The following TRIM27 variants were observed in gnomAD, a reference collection of about 807,000 sequenced individuals.
TRIM27 encodes the protein zinc finger protein RFP.
In TRIM27, 12 loss-of-function variants were observed where a neutral mutation model predicts 57.6. The observed-to-expected ratio is 0.21, with a 90% CI of 0.13 to 0.34. TRIM27 has a LOEUF of 0.34. Ranked by LOEUF, TRIM27 falls within the 10% of genes least tolerant of loss-of-function variation. The pLI, the probability that TRIM27 is intolerant of heterozygous loss-of-function variation, is 1.00. For missense variants in TRIM27, 403 were observed against 656.8 expected (o/e 0.61, Z 4.22); for synonymous variants, 266 against 259.0 (o/e 1.03, Z -0.26).
intron 6 of TRIM27, chr6:28,907,558 C>T: frequency 1.5e-6 from 1 of 645,932 alleles, no homozygotes; most frequent in South Asian, 1.5e-5. Context: ...AGTGAGTCAG[C>T]TGATTCTGCA....
chr6:28,921,150 G>A (rs750294304), intron 2 of TRIM27, among the ~76,000 whole-genome samples: 13 of 152,202 alleles, frequency 8.5e-5, no homozygotes, highest in Admixed American at 2.0e-4. Flanking sequence ...GGAGGCTGAG[G>A]TGGGCGGATC....
intron 6 of TRIM27, chr6:28,907,882 C>T (rs1008398191): frequency 3.7e-6 from 1 of 270,396 alleles, no homozygotes; most frequent in African/African-American, 2.2e-5. Flanking sequence ...TCTGCTAGCT[C>T]TATGTTGCTA....
intron 3 of TRIM27, among the ~76,000 whole-genome samples, chr6:28,914,060 T>C (rs1412768258): frequency 6.7e-6 from 1 of 149,662 alleles, no homozygotes; most frequent in Non-Finnish European, 1.5e-5. Context: ...CTTGCTCTGT[T>C]ACCCAGGCTG....
Position 28,923,710 on chromosome 6 carries a change from T to C in TRIM27, c.-78A>G, listed in dbSNP as rs1446703310. The stretch of plus-strand genomic sequence containing the variant: ...CTGAGCCCAACTCTCCGGCGCTCTC[T>C]CCGGTTCGCTGTTCCTGAGAGGCAC... On this transcript the variant is annotated 5_prime_UTR_variant, in exon 1 of 8. Coordinates refer to ENST00000377199, the MANE Select transcript of TRIM27 (RefSeq NM_006510.5). 1 of 1,407,480 alleles carries C rather than the reference T, an allele frequency of 7.1e-7. No individual in the cohort carries two copies. The highest frequency in any genetic ancestry group is 9.4e-7 in the Non-Finnish European group (1 of 1,065,190). The allele number at this position is 1,407,480 out of a possible 1,614,324, so 87.2% of individuals were successfully genotyped here.
intron 4 of TRIM27, among the ~76,000 whole-genome samples, chr6:28,910,123 G>GAAAAAAAAAAAAAAAAAAAAAAAGAA (rs9278120): frequency 2.2e-4 from 21 of 97,598 alleles, no homozygotes; most frequent in Non-Finnish European, 3.5e-4. Flanking sequence ...AAAGAAAAAT[G>GAAAAAAAAAAAAAAAAAAAAAAAGAA]AAAAAAAAAA....
chr6:28,914,534 A>G (rs890663216), intron 3 of TRIM27, among the ~76,000 whole-genome samples: 1 of 131,086 alleles, frequency 7.6e-6, no homozygotes, highest in Admixed American at 9.6e-5. Context: ...CAATTTGTCT[A>G]GATCCAGAAA....
In TRIM27 at chr6:28,903,951, G is replaced by T; in HGVS notation, c.*119C>A. On this transcript the variant is annotated 3_prime_UTR_variant, in exon 8 of 8. Coordinates refer to ENST00000377199, the MANE Select transcript of TRIM27 (RefSeq NM_006510.5). Reference sequence around the variant, plus strand: ...GAACATGGACATCCTGTCTCCCACTGCAAGGGCGTGGAACATGGTAAGGAT... The same window carrying T: ...GAACATGGACATCCTGTCTCCCACTTCAAGGGCGTGGAACATGGTAAGGAT... 1 of 765,934 alleles carries T rather than the reference G, an allele frequency of 1.3e-6. No individual in the cohort carries two copies. Among genetic ancestry groups the T allele is most frequent in the South Asian group, 1.7e-5 (1 of 59,054 alleles). 47.4% of individuals were successfully genotyped at this position (765,934 alleles called of 1,614,324 possible).
chr6:28,914,137 CTTT>C (rs775171584), intron 3 of TRIM27, among the ~76,000 whole-genome samples: 4 of 125,188 alleles, frequency 3.2e-5, no homozygotes, highest in Non-Finnish European at 1.7e-5. Context: ...TCTATCCCAG[CTTT>C]TTTTTTTTTT....
chr6:28,910,233 C>T (rs1342769152), intron 4 of TRIM27, among the ~76,000 whole-genome samples: 1 of 151,646 alleles, frequency 6.6e-6, no homozygotes, highest in Non-Finnish European at 1.5e-5. Context: ...AGGACCATAC[C>T]TTAGGGATGG....
Position 28,923,722 on chromosome 6 carries a change from T to G in TRIM27, c.-90A>C. On this transcript the variant is annotated 5_prime_UTR_variant, in exon 1 of 8. Transcript: ENST00000377199. ...CTCCGGCGCTCTCTCCGGTTCGCTG[T>G]TCCTGAGAGGCACCGGGCGGACGGA... 4.4e-6 allele frequency: 6 copies of G among 1,362,468 alleles called. No homozygotes were observed. Among genetic ancestry groups the G allele is most frequent in the Non-Finnish European group, 5.8e-6 (6 of 1,028,818 alleles). The allele number at this position is 1,362,468 out of a possible 1,614,324, so 84.4% of individuals were successfully genotyped here.
chr6:28,915,468 G>A (rs1011511970), intron 3 of TRIM27, among the ~76,000 whole-genome samples: 1 of 152,076 alleles, frequency 6.6e-6, no homozygotes, highest in African/African-American at 2.4e-5. Flanking sequence ...AATTAGCTAG[G>A]TGTGGTGGTG....
intron 3 of TRIM27, among the ~76,000 whole-genome samples, chr6:28,918,897 A>G (rs1773816927): frequency 1.3e-5 from 2 of 152,144 alleles, no homozygotes; most frequent in African/African-American, 4.8e-5. Flanking sequence ...ATAATATTAA[A>G]TTAAAATTAA....
intron 3 of TRIM27, among the ~76,000 whole-genome samples, chr6:28,918,828 A>G (rs900229484): frequency 6.6e-6 from 1 of 151,734 alleles, no homozygotes; most frequent in African/African-American, 2.4e-5. Flanking sequence ...GTGAGCCAAG[A>G]TCGCACCACT....
chr6:28,916,357 A>G (rs544659954), intron 3 of TRIM27, among the ~76,000 whole-genome samples: 17 of 151,470 alleles, frequency 1.1e-4, no homozygotes, highest in Middle Eastern at 3.5e-3. Context: ...GTTTGAGACT[A>G]GCCTGACCAA....
At chr6:28,910,123 G>GAAAAAAAAAAAAAAAAAAAAAAAAGAA (rs9278120) in intron 4 of TRIM27, among the ~76,000 whole-genome samples, 12 of 97,606 alleles carry the variant, frequency 1.2e-4, no homozygotes, top group East Asian at 2.8e-4. Flanking sequence ...AAAGAAAAAT[G>GAAAAAAAAAAAAAAAAAAAAAAAAGAA]AAAAAAAAAA....
At chr6:28,912,106 CTTT>C (rs9280507) in intron 3 of TRIM27, among the ~76,000 whole-genome samples, 18 of 136,332 alleles carry the variant, frequency 1.3e-4, no homozygotes, top group Non-Finnish European at 1.6e-4. Context: ...CTCCAGTATA[CTTT>C]TTTTTTTTTT....
intron 4 of TRIM27, among the ~76,000 whole-genome samples, chr6:28,910,020 C>A (rs138945830): frequency 2.7e-4 from 41 of 150,518 alleles, no homozygotes; most frequent in African/African-American, 9.8e-4. Flanking sequence ...GCCTGCAATC[C>A]CAACACTTTT....
At chr6:28,921,799 G>C in intron 2 of TRIM27, 93 bp downstream of exon 2, 1 of 1,018,380 alleles carries the variant, frequency 9.8e-7, no homozygotes, top group Non-Finnish European at 1.5e-6. Context: ...CAAGTTCTGG[G>C]TGACATGCTG....
Position 28,923,406 on chromosome 6 carries a change from T to C in TRIM27, c.227A>G (p.Gln76Arg). 1 of 1,612,242 alleles carries C rather than the reference T, an allele frequency of 6.2e-7. No individual in the cohort carries two copies. Among genetic ancestry groups the C allele is most frequent in the Non-Finnish European group, 8.5e-7 (1 of 1,179,514 alleles). ...RPNRHLANVT[Q>R]LVKQLRTERP... ...CTCGGTGCGCAGCTGCTTTACCAGT[T>C]GGGTCACGTTGGCCAGGTGCCGGTT... The change falls in exon 1 of 8, where the codon CAA becomes CGA. Residue 76 changes from glutamine (Q) to arginine (R), a missense_variant. Coordinates refer to ENST00000377199, the MANE Select transcript of TRIM27 (RefSeq NM_006510.5).
Sources: allele counts gnomAD v4.1 joint callset (sites outside exome capture counted in the v4.1 genomes callset), GRCh38; gene constraint gnomAD v4.1.1; transcripts MANE v1.5; gene names NCBI Gene and HGNC (gene_info 2026-07-23, HGNC 2026-07-21).